The following PDE10A variants were observed in gnomAD, a reference collection of about 807,000 sequenced individuals.
PDE10A encodes the protein cAMP and cAMP-inhibited cGMP 3',5'-cyclic phosphodiesterase 10A.
PDE10A carries 39 observed loss-of-function variants against 97.7 expected under a neutral mutation model. The ratio of observed to expected loss-of-function variants is 0.40; its 90% CI spans 0.31 to 0.52. The LOEUF is 0.52. PDE10A is among the 20% of genes least tolerant of loss of function. The probability of loss-of-function intolerance (pLI) is 0.56; values close to 1 mark genes in which losing one functional copy is unlikely to be tolerated. For missense variants in PDE10A, 731 were observed against 1,047.8 expected (o/e 0.70, Z 4.17); for synonymous variants, 371 against 376.8 (o/e 0.98, Z 0.18).
intron 1 of PDE10A, among the ~76,000 whole-genome samples, chr6:165,593,599 G>A (rs920985015): frequency 6.6e-6 from 1 of 152,104 alleles, no homozygotes; most frequent in African/African-American, 2.4e-5. Flanking sequence ...CATTCCATCA[G>A]CAAAATCTAT....
chr6:165,970,793 A>G (rs1784645274), intron 1 of PDE10A, among the ~76,000 whole-genome samples: 2 of 152,238 alleles, frequency 1.3e-5, no homozygotes, highest in African/African-American at 4.8e-5. Context: ...CAACAAAAAC[A>G]GTGCATTGGA....
chr6:165,573,992 G>A (rs1388882726), intron 1 of PDE10A, among the ~76,000 whole-genome samples: 2 of 152,240 alleles, frequency 1.3e-5, no homozygotes, highest in Non-Finnish European at 1.5e-5. Context: ...ATTACTGTGT[G>A]AACCCTGGAG....
chr6:165,418,490 A>G lies in PDE10A; in HGVS notation c.1796+145T>C. The G allele has an allele frequency of 1.4e-6, 1 of 699,992 alleles. No individual in the cohort carries two copies. Among genetic ancestry groups the G allele is most frequent in the Non-Finnish European group, 2.3e-6 (1 of 428,896 alleles). 43.4% of individuals were successfully genotyped at this position (699,992 alleles called of 1,614,324 possible). A position where few individuals can be genotyped will look rare whatever the true frequency, so the allele number is the denominator to read the frequency against. On this transcript the variant is annotated intron_variant, in intron 11 of 21. Transcript: ENST00000539869. This position sits in a 1 kb window ranked among gnomAD's most constrained non-coding sequence, Gnocchi z 4.8. ...CTGCAATGTCATTCCCAGAAGTACT[A>G]CCTTCAGGAGGCGGGTCCTGGTGGG...
chr6:165,492,893 A>T (rs1780309423), intron 2 of PDE10A, among the ~76,000 whole-genome samples: 1 of 152,158 alleles, frequency 6.6e-6, no homozygotes, highest in Non-Finnish European at 1.5e-5. Context: ...AAGAAGTCAA[A>T]CTGTCACTGT....
At chr6:165,898,209 A>C (rs1041146147) in intron 1 of PDE10A, among the ~76,000 whole-genome samples, 2 of 152,060 alleles carry the variant, frequency 1.3e-5, no homozygotes, top group African/African-American at 2.4e-5. Context: ...CGATAAACTA[A>C]GCTCTCACTG....
At chr6:165,967,971 AG>A (rs1784560529) in intron 1 of PDE10A, among the ~76,000 whole-genome samples, 1 of 152,314 alleles carries the variant, frequency 6.6e-6, no homozygotes, top group East Asian at 1.9e-4. Flanking sequence ...AAACACACAC[AG>A]AGCAGCTCTG....
intron 1 of PDE10A, among the ~76,000 whole-genome samples, chr6:165,633,432 G>C (rs1788726476): frequency 6.6e-6 from 1 of 151,992 alleles, no homozygotes; most frequent in South Asian, 2.1e-4. Context: ...TTTCTTTATA[G>C]CTACAGAAAT....
chr6:165,923,304 A>G (rs949011652), intron 1 of PDE10A, among the ~76,000 whole-genome samples: 1 of 152,250 alleles, frequency 6.6e-6, no homozygotes, highest in African/African-American at 2.4e-5. Flanking sequence ...CAAAGTACAG[A>G]CAATTTCTTA....
chr6:165,836,344 C>T (rs186195887), intron 1 of PDE10A, among the ~76,000 whole-genome samples: 98 of 152,322 alleles, frequency 6.4e-4, no homozygotes, highest in African/African-American at 2.3e-3. Context: ...CCACTATGTT[C>T]GTTTTGAAAA....
At position 165,392,774 on chromosome 6, in the gene PDE10A, G is replaced by A. The variant is rs774996040; in HGVS notation, c.2326C>T (p.Arg776Cys). ...TTCTTCTTCACAGACATAATAAAAC[G>A]ACACAACTTTTCAAGCTCAAAGCTG... ...TSCFELEKLCRFIMSVKKNYR... is the reference protein window; with the variant it reads ...TSCFELEKLCCFIMSVKKNYR... The change falls in exon 16 of 22, where the codon CGT (arginine) becomes TGT (cysteine). Residue 776 changes from arginine (R) to cysteine (C), a missense_variant. Arg to Cys is a radical substitution (Grantham distance 180). This residue lies in a region of PDE10A where 131 missense variants were observed against 187.4 expected (regional missense o/e 0.70). Coordinates refer to ENST00000539869, the MANE Select transcript of PDE10A (RefSeq NM_001385079.1). The A allele has an allele frequency of 5.0e-6, 8 of 1,613,912 alleles. No individual in the cohort carries two copies. Among genetic ancestry groups the A allele is most frequent in the South Asian group, 4.4e-5 (4 of 91,070 alleles).
At chr6:165,919,890 G>A (rs1403378383) in intron 1 of PDE10A, among the ~76,000 whole-genome samples, 1 of 152,148 alleles carries the variant, frequency 6.6e-6, no homozygotes, top group Non-Finnish European at 1.5e-5. Context: ...TAATTTTCAG[G>A]TGCATTCTGT....
intron 13 of PDE10A, chr6:165,409,687 A>T (rs1332152949): frequency 6.6e-6 from 1 of 152,590 alleles, no homozygotes; most frequent in Non-Finnish European, 1.5e-5. Context: ...AGTGCGGGTG[A>T]CTACTCGACA....
chr6:165,528,367 A>T (rs2128313151), intron 2 of PDE10A, among the ~76,000 whole-genome samples: 1 of 152,318 alleles, frequency 6.6e-6, no homozygotes, highest in Non-Finnish European at 1.5e-5. Context: ...CCAATGAACA[A>T]AGTGGCCATG....
intron 1 of PDE10A, among the ~76,000 whole-genome samples, chr6:165,868,873 A>T (rs2128478053): frequency 1.4e-5 from 1 of 70,112 alleles, no homozygotes; most frequent in Admixed American, 1.5e-4. Flanking sequence ...ACATAAACAA[A>T]TCAATAAATG....
chr6:165,432,706 CTA>C (rs148414895), intron 7 of PDE10A, among the ~76,000 whole-genome samples: 4,197 of 152,188 alleles, frequency 0.028, 200 homozygotes, highest in African/African-American at 0.093. Flanking sequence ...CTACTACTTT[CTA>C]TGACTCAGAG....
rs560683836 is a variant in PDE10A, at chr6:165,655,083, C to T, written c.865+6864G>A. ...CTCATAGCACAGAATTCCAGCGGGC[C>T]GTCCGTTCGCGTGTCAAACTTCAGC... On this transcript the variant is annotated intron_variant, in intron 1 of 21. Coordinates refer to ENST00000539869, the MANE Select transcript of PDE10A (RefSeq NM_001385079.1). The surrounding 1 kb of genome is among the most constrained non-coding windows in gnomAD (Gnocchi z 4.5). Among the ~76,000 whole-genome samples the T allele has an allele frequency of 1.1e-4, 16 of 152,270 alleles. No individual in the cohort carries two copies. The highest frequency in any genetic ancestry group is 2.6e-4 in the Admixed American group (4 of 15,298).
At chr6:165,932,313 C>A (rs1158120) in intron 1 of PDE10A, among the ~76,000 whole-genome samples, 2 of 151,902 alleles carry the variant, frequency 1.3e-5, no homozygotes, top group African/African-American at 4.8e-5. Context: ...GTGTGGACAG[C>A]CAAAGTTTTT....
chr6:165,705,339 A>C (rs565688906), intron 1 of PDE10A, among the ~76,000 whole-genome samples: 88 of 152,322 alleles, frequency 5.8e-4, no homozygotes, highest in African/African-American at 1.8e-3. Context: ...GCTGCCTACA[A>C]ATGCCACCCA....
intron 1 of PDE10A, among the ~76,000 whole-genome samples, chr6:165,700,753 T>C (rs1406769108): frequency 2.0e-5 from 3 of 152,242 alleles, no homozygotes; most frequent in Non-Finnish European, 2.9e-5. Context: ...TGCAATTTAC[T>C]AGATTCTTCA....
Sources: gnomAD v4.1 joint callset for allele counts (sites outside exome capture counted in the v4.1 genomes callset) on GRCh38, gnomAD v4.1.1 for gene constraint, gnomAD v4.1.1 regional missense constraint, Gnocchi (gnomAD v3.1) non-coding constraint, MANE v1.5 for transcripts, NCBI Gene and HGNC (gene_info 2026-07-23, HGNC 2026-07-21) for gene names.